USP32: variants seen among roughly 807,000 people sequenced by gnomAD.
USP32 encodes ubiquitin carboxyl-terminal hydrolase 32.
Under a neutral mutation model 204.8 loss-of-function variants are expected in USP32, and 59 were observed. The observed-to-expected ratio is 0.29, with a 90% CI of 0.23 to 0.36. The LOEUF (loss-of-function observed/expected upper bound fraction) is 0.36. USP32 is among the 10% of genes least tolerant of loss of function. USP32 has a pLI of 1.00. For missense variants in USP32, 1,160 were observed against 1,946.4 expected (o/e 0.60, Z 7.60); for synonymous variants, 517 against 678.4 (o/e 0.76, Z 3.70).
At chr17:60,368,941 T>C (rs1230279681) in intron 1 of USP32, among the ~76,000 whole-genome samples, 4 of 150,254 alleles carry the variant, frequency 2.7e-5, no homozygotes, top group Admixed American at 6.6e-5. Context: ...AAACAAAACA[T>C]ATGAGGCAGA....
chr17:60,289,820 G>C (rs2145853888), intron 4 of USP32, among the ~76,000 whole-genome samples: 1 of 152,300 alleles, frequency 6.6e-6, no homozygotes, highest in East Asian at 1.9e-4. Flanking sequence ...GTCAAGATTG[G>C]AGCAGCTCTA....
intron 2 of USP32, among the ~76,000 whole-genome samples, chr17:60,339,388 G>A (rs1264309163): frequency 1.3e-5 from 2 of 150,982 alleles, no homozygotes; most frequent in African/African-American, 4.9e-5. Context: ...TTTGAAACCA[G>A]CCTGGCCAAC....
chr17:60,341,430 G>A lies in USP32; in HGVS notation c.186+4051C>T, dbSNP rs1354540216. Among the ~76,000 whole-genome samples the A allele has an allele frequency of 2.0e-5, 3 of 151,880 alleles. No homozygotes were observed. The East Asian group carries it at 5.8e-4, about 30-fold the overall frequency. ...AGGATTTTATTTCTCCTTCACTTAT[G>A]AAGCTTAGTTTGGCTGGATATGAAA... is the stretch of plus-strand genomic sequence containing the variant. On this transcript the variant is annotated intron_variant, in intron 2 of 33. Transcript: ENST00000300896.
chr17:60,324,240 C>CCA (rs913973346), intron 2 of USP32, among the ~76,000 whole-genome samples: 70 of 151,662 alleles, frequency 4.6e-4, no homozygotes, highest in African/African-American at 1.6e-3. Context: ...TATGATTGCA[C>CCA]CACTGCACTC....
upstream of USP32, among the ~76,000 whole-genome samples, chr17:60,395,893 C>T (rs1024419344): frequency 6.6e-6 from 1 of 151,956 alleles, no homozygotes; most frequent in African/African-American, 2.4e-5. Flanking sequence ...AGAGGGAGGT[C>T]AATACAATAG....
At chr17:60,409,966 A>G (rs991184290) in intron 1 of USP32, among the ~76,000 whole-genome samples, 1 of 152,216 alleles carries the variant, frequency 6.6e-6, no homozygotes. Flanking sequence ...TTTAAAACAA[A>G]GATGAAAATA....
At chr17:60,190,836 A>C (rs1028147197) in intron 28 of USP32, among the ~76,000 whole-genome samples, 153 bp from the exon 29 acceptor site, 3 of 152,218 alleles carry the variant, frequency 2.0e-5, no homozygotes, top group African/African-American at 7.2e-5. Context: ...TGATAAATGT[A>C]GGGATACTTA....
intron 1 of USP32, among the ~76,000 whole-genome samples, chr17:60,384,868 G>A (rs1314203479): frequency 6.6e-6 from 1 of 151,956 alleles, no homozygotes. Flanking sequence ...AGCATTTTGG[G>A]AGGTGGAGGC....
chr17:60,293,232 T>C (rs529252407), intron 4 of USP32, among the ~76,000 whole-genome samples: 1 of 152,328 alleles, frequency 6.6e-6, no homozygotes, highest in African/African-American at 2.4e-5. Flanking sequence ...TTTAGAGTAC[T>C]GGGTAGCCAA....
intron 2 of USP32, among the ~76,000 whole-genome samples, chr17:60,330,663 C>G (rs1488083586): frequency 6.6e-6 from 1 of 152,048 alleles, no homozygotes; most frequent in Non-Finnish European, 1.5e-5. Flanking sequence ...CCTCCAGCCT[C>G]AGCCTCCCGA....
intron 12 of USP32, among the ~76,000 whole-genome samples, chr17:60,235,493 T>C (rs554168265): frequency 1.3e-4 from 20 of 152,224 alleles, no homozygotes; most frequent in Non-Finnish European, 2.8e-4. Flanking sequence ...AATATTCTGA[T>C]AATAAGCAGT....
chr17:60,271,370 A>C lies in USP32; in HGVS notation c.683T>G (p.Ile228Ser), dbSNP rs2145788791. ...ETFGPLVSPP[I>S]RPSLSEGLFN... is the part of the protein sequence containing the mutation. Reference sequence around the variant, plus strand: ...CCTACCTTCACTTAGAGATGGACGAATAGGTGGTGAAACCAATGGGCCAAA... The same window carrying C: ...CCTACCTTCACTTAGAGATGGACGACTAGGTGGTGAAACCAATGGGCCAAA... Residue 228 changes from isoleucine (I) to serine (S), a missense_variant, in exon 6 of 34, where the codon ATT becomes AGT. Around this residue, in one of 8 missense-constraint regions of USP32, gnomAD observed 536 missense variants for 680.9 expected, o/e 0.79. Coordinates refer to ENST00000300896, the MANE Select transcript of USP32 (RefSeq NM_032582.4). 6.2e-7 allele frequency: 1 copy of C among 1,614,124 alleles called. No homozygotes were observed. The highest frequency in any genetic ancestry group is 1.6e-4 in the Middle Eastern group (1 of 6,062).
intron 1 of USP32, among the ~76,000 whole-genome samples, chr17:60,347,546 G>A (rs2088818926): frequency 6.6e-6 from 1 of 151,594 alleles, no homozygotes; most frequent in African/African-American, 2.4e-5. Flanking sequence ...GTAGAGACAG[G>A]GTTTCACTGT....
chr17:60,281,565 C>G (rs560557294), intron 5 of USP32, among the ~76,000 whole-genome samples: 1 of 151,424 alleles, frequency 6.6e-6, no homozygotes, highest in Non-Finnish European at 1.5e-5. Context: ...GTATACCAGA[C>G]GCAGGCTGAG....
chr17:60,400,300 T>G (rs1165836041), intron 1 of USP32, among the ~76,000 whole-genome samples: 1 of 152,012 alleles, frequency 6.6e-6, no homozygotes, highest in Non-Finnish European at 1.5e-5. Flanking sequence ...CTGACTGCTG[T>G]GTTGAAAGTG....
In USP32 at chr17:60,198,279, T is replaced by C. The variant is rs1231684584; in HGVS notation, c.3415A>G (p.Ser1139Gly). The C allele has an allele frequency of 3.1e-6, 5 of 1,614,166 alleles. No homozygotes were observed. Among genetic ancestry groups the C allele is most frequent in the African/African-American group, 1.3e-5 (1 of 75,062 alleles). ...LASPLPPQEA[S>G]NHAQDCDDSM... is the part of the protein sequence containing the mutation. ...ACTCACCAATCCTGGGCATGATTAC[T>C]AGCTTCCTGAGGTGGGAGTGGGCTC... The change falls in exon 27 of 34, where the codon AGT becomes GGT. Residue 1139 changes from serine (S) to glycine (G), a missense_variant. By Grantham distance (56) the Ser-to-Gly change is moderately conservative. Around this residue, in one of 8 missense-constraint regions of USP32, gnomAD observed 160 missense variants for 322.5 expected, o/e 0.50. Coordinates refer to ENST00000300896, the MANE Select transcript of USP32 (RefSeq NM_032582.4).
At chr17:60,363,316 G>A (rs941014162) in intron 1 of USP32, among the ~76,000 whole-genome samples, 7 of 151,564 alleles carry the variant, frequency 4.6e-5, no homozygotes, top group East Asian at 2.0e-4. Flanking sequence ...TTAGCTGGGC[G>A]TAGCGGCGTG....
intron 9 of USP32, among the ~76,000 whole-genome samples, chr17:60,260,998 C>T (rs957715439): frequency 3.9e-5 from 6 of 152,092 alleles, no homozygotes; most frequent in Admixed American, 6.6e-5. Context: ...ATGAACTCTA[C>T]GGGTGAGGAT....
At chr17:60,414,555 A>C (rs1256517583) in intron 1 of USP32, among the ~76,000 whole-genome samples, 1 of 150,012 alleles carries the variant, frequency 6.7e-6, no homozygotes, top group Non-Finnish European at 1.5e-5. Flanking sequence ...CAGCCTCCTG[A>C]GTAGCAGAGA....
Sources: gnomAD v4.1 joint callset for allele counts (sites outside exome capture counted in the v4.1 genomes callset) on GRCh38, gnomAD v4.1.1 for gene constraint, gnomAD v4.1.1 regional missense constraint, MANE v1.5 for transcripts, NCBI Gene and HGNC (gene_info 2026-07-23, HGNC 2026-07-21) for gene names.